Variants in LZTS2 observed in about 807,000 individuals in gnomAD.
LZTS2 encodes the protein leucine zipper putative tumor suppressor 2.
In LZTS2, 32 loss-of-function variants were observed where a neutral mutation model predicts 60.6. That is an observed-to-expected ratio of 0.53 (90% CI 0.40 to 0.71). The LOEUF (loss-of-function observed/expected upper bound fraction) is 0.71. Ranked by LOEUF, LZTS2 falls within the 30% of genes least tolerant of loss-of-function variation. LZTS2 has a pLI of 0.00. For missense variants in LZTS2, 792 were observed against 901.9 expected, an observed-to-expected ratio of 0.88 and a Z score of 1.56; for synonymous variants, 360 against 393.1, an observed-to-expected ratio of 0.92 and a Z score of 1.00.
At position 101,002,994 on chromosome 10, in the gene LZTS2, G is replaced by A. The variant is rs375309532; in HGVS notation, c.408+48G>A. ...GGGCCTGGGTAGAACGGGAGTCCTC[G>A]CTTGGGAAACTGGAATTTAGAAGCT... On this transcript the variant is annotated intron_variant, in intron 1 of 3. Coordinates refer to ENST00000370220, the Ensembl canonical transcript of LZTS2. 2,302 of 1,538,862 alleles carry A rather than the reference G, an allele frequency of 1.5e-3. 2 individuals are homozygous for A. The highest frequency in any genetic ancestry group is 1.9e-3 in the Non-Finnish European group (2,153 of 1,147,356).
upstream of LZTS2, chr10:100,998,535 T>A (rs576099622): frequency 2.0e-5 from 3 of 152,122 alleles, no homozygotes; most frequent in African/African-American, 7.2e-5. Context: ...GGGGGGATGC[T>A]CCTTCCTGGG....
upstream of LZTS2, among the ~76,000 whole-genome samples, chr10:100,999,159 G>C (rs141058946): frequency 2.6e-5 from 4 of 152,368 alleles, no homozygotes; most frequent in East Asian, 1.9e-4. Flanking sequence ...GGGAGCACGC[G>C]GTCGCGCCAG....
At chr10:101,003,213 A>C (rs1852085281) in intron 1 of LZTS2, 1 of 537,192 alleles carries the variant, frequency 1.9e-6, no homozygotes, top group Non-Finnish European at 3.2e-6. Flanking sequence ...CTAGTTGCTT[A>C]CGTTCTGGTT....
chr10:101,004,129 G>A (rs756384313), exon 2 of LZTS2: 15 of 1,611,750 alleles, frequency 9.3e-6, no homozygotes, highest in East Asian at 2.2e-5. Context: ...CAGCAGCTGC[G>A]GGACAGTCTG....
chr10:101,001,261 CT>C (rs1206911397), exon 1 of LZTS2: 1 of 152,308 alleles, frequency 6.6e-6, no homozygotes, highest in Admixed American at 6.5e-5. Context: ...ACATTTATAA[CT>C]TTCACAGGCT....
intron 1 of LZTS2, chr10:101,003,237 T>TA: frequency 1.9e-6 from 1 of 528,006 alleles, no homozygotes. Flanking sequence ...CTGCACCAGT[T>TA]ATACGTTTGA....
At chr10:101,006,617 G>A in exon 4 of LZTS2, 2 of 1,601,268 alleles carry the variant, frequency 1.2e-6, no homozygotes, top group South Asian at 1.1e-5. Flanking sequence ...TACGCTGCGG[G>A]TCAGTGAGGG....
At chr10:100,996,938 G>C (rs1178257495), upstream of LZTS2, 1 of 152,430 alleles carries the variant, frequency 6.6e-6, no homozygotes, top group Admixed American at 6.5e-5. Context: ...TCAGAGGCCA[G>C]AGGGGCAGCC....
At chr10:100,997,470 C>G (rs2133954727), upstream of LZTS2, among the ~76,000 whole-genome samples, 1 of 152,346 alleles carries the variant, frequency 6.6e-6, no homozygotes, top group South Asian at 2.1e-4. Flanking sequence ...CACACATGCA[C>G]TCGGAAAGGA....
At chr10:101,007,643 T>C in exon 4 of LZTS2, 1 of 1,162,552 alleles carries the variant, frequency 8.6e-7, no homozygotes, top group Non-Finnish European at 1.1e-6. Context: ...GCAGCCTCTC[T>C]CCTGGAGTGA....
chr10:100,998,784 G>C (rs544921493), upstream of LZTS2: 1 of 152,548 alleles, frequency 6.6e-6, no homozygotes, highest in South Asian at 2.1e-4. Flanking sequence ...AAGTGCACTT[G>C]AGACTGTGAC....
chr10:101,001,591 G>A (rs376034041), exon 1 of LZTS2: 5 of 152,302 alleles, frequency 3.3e-5, no homozygotes, highest in African/African-American at 1.2e-4. Context: ...GGGGGTTCCG[G>A]GTGGAGGCTT....
At chr10:101,002,454 G>A (rs1427992485) in exon 1 of LZTS2, 2 of 1,388,006 alleles carry the variant, frequency 1.4e-6, no homozygotes, top group African/African-American at 1.5e-5. Flanking sequence ...GTCAGGAGGG[G>A]TCTCAAGGTG....
exon 2 of LZTS2, chr10:101,003,790 A>G: frequency 6.2e-7 from 1 of 1,613,124 alleles, no homozygotes; most frequent in Non-Finnish European, 8.5e-7. Context: ...CTGCCCACCT[A>G]CAGCACCGGA....
chr10:100,999,818 C>G (rs1351948321), exon 1 of LZTS2: 1 of 148,556 alleles, frequency 6.7e-6, no homozygotes, highest in South Asian at 1.8e-4. Flanking sequence ...GGGGCTGGGC[C>G]GGGCAGCTCC....
intron 2 of LZTS2, among the ~76,000 whole-genome samples, chr10:101,005,251 C>T (rs1852145324): frequency 6.6e-6 from 1 of 152,232 alleles, no homozygotes; most frequent in Non-Finnish European, 1.5e-5. Context: ...ATCCACCCAC[C>T]TCGCGTGAGC....
chr10:101,003,864 G>A lies in LZTS2; in HGVS notation c.766G>A (p.Ala256Thr), dbSNP rs747565618. 48 of 1,612,998 alleles carry A rather than the reference G, an allele frequency of 3.0e-5. No homozygotes were observed. The African/African-American group carries it at 5.9e-4, about 20-fold the overall frequency. The change falls in exon 2 of 4, where the codon GCA becomes ACA. Residue 256 changes from alanine to threonine, a missense_variant. Ala to Thr is a moderately conservative substitution (Grantham distance 58). Transcript: ENST00000370220. ...GCCTTCCCATGGCTCTGGGCGAGGG[G>A]CACTGCCTGGGCCAGCCCGAGGGGT...
At chr10:101,004,265 G>A in intron 2 of LZTS2, 99 bp downstream of exon 3, 2 of 1,337,598 alleles carry the variant, frequency 1.5e-6, no homozygotes, top group Non-Finnish European at 2.0e-6. Flanking sequence ...CGGGGGTTGG[G>A]TAGTTGTAGT....
chr10:101,006,969 A>G (rs1852228755), exon 4 of LZTS2: 1 of 1,549,056 alleles, frequency 6.5e-7, no homozygotes. Context: ...CTGGCCTGGC[A>G]GGCAGAGAAG....
Sources: gnomAD v4.1 joint callset for allele counts (sites outside exome capture counted in the v4.1 genomes callset) on GRCh38, gnomAD v4.1.1 for gene constraint, MANE v1.5 for transcripts, NCBI Gene and HGNC (gene_info 2026-07-23, HGNC 2026-07-21) for gene names.